The following IQCM variants were observed in gnomAD, a reference collection of about 807,000 sequenced individuals.
IQCM encodes IQ domain-containing protein M.
IQCM carries 45 observed loss-of-function variants against 57.6 expected under a neutral mutation model. The ratio of observed to expected loss-of-function variants is 0.78; its 90% confidence interval spans 0.62 to 1.00. The LOEUF (loss-of-function observed/expected upper bound fraction) is 1.00. Among genes scored for constraint, IQCM ranks in the 50% least tolerant of loss-of-function variants. The pLI, the probability that IQCM is intolerant of heterozygous loss-of-function variation, is 0.00. For synonymous variants in IQCM, 148 were observed against 158.9 expected (o/e 0.93, Z 0.51); for missense variants, 468 against 511.6 (o/e 0.91, Z 0.82).
intron 13 of IQCM, among the ~76,000 whole-genome samples, chr4:149,391,798 A>G (rs1731875574): frequency 6.6e-6 from 1 of 151,768 alleles, no homozygotes; most frequent in South Asian, 2.1e-4. Flanking sequence ...AATTTTCCTG[A>G]TGTTGATTTC....
chr4:149,644,174 A>T (rs1173602560), intron 7 of IQCM, among the ~76,000 whole-genome samples: 1 of 152,312 alleles, frequency 6.6e-6, no homozygotes, highest in Non-Finnish European at 1.5e-5. Context: ...AGGTTTTTTT[A>T]AAATCTACTA....
intron 8 of IQCM, among the ~76,000 whole-genome samples, chr4:149,593,131 G>A (rs1282170080): frequency 7.2e-5 from 11 of 151,868 alleles, no homozygotes; most frequent in East Asian, 1.9e-4. Context: ...CTTTTATTTC[G>A]TTGAGCAGTG....
chr4:149,582,754 A>G (rs1752326075), intron 9 of IQCM, among the ~76,000 whole-genome samples: 1 of 151,668 alleles, frequency 6.6e-6, no homozygotes, highest in Non-Finnish European at 1.5e-5. Flanking sequence ...AATGTTTAGG[A>G]TAGGCACTGA....
chr4:149,365,352 T>A (rs1729758069), intron 13 of IQCM, among the ~76,000 whole-genome samples: 1 of 152,112 alleles, frequency 6.6e-6, no homozygotes, highest in Non-Finnish European at 1.5e-5. Flanking sequence ...TAGATTAGAA[T>A]TCAAACTATA....
At chr4:149,795,511 A>G (rs1294364744) in intron 2 of IQCM, among the ~76,000 whole-genome samples, 2 of 152,166 alleles carry the variant, frequency 1.3e-5, no homozygotes, top group Non-Finnish European at 2.9e-5. Context: ...ACAAGGCCAC[A>G]TTTAGGCAAG....
chr4:149,467,922 T>A (rs1443552975), intron 12 of IQCM, among the ~76,000 whole-genome samples: 1 of 152,158 alleles, frequency 6.6e-6, no homozygotes, highest in African/African-American at 2.4e-5. Flanking sequence ...ATTTCATCAA[T>A]GCAGGGCACA....
chr4:149,374,989 G>GTT (rs759933292), intron 13 of IQCM, among the ~76,000 whole-genome samples: 1 of 124,420 alleles, frequency 8.0e-6, no homozygotes, highest in Admixed American at 8.9e-5. Flanking sequence ...GTGTGTGTGT[G>GTT]TGTGTGTGTT....
chr4:149,471,921 C>T (rs1362632283), intron 12 of IQCM, among the ~76,000 whole-genome samples: 1 of 152,082 alleles, frequency 6.6e-6, no homozygotes, highest in Non-Finnish European at 1.5e-5. Context: ...AAATTCAACA[C>T]CCTTCATGCT....
chr4:149,533,418 T>C (rs1322587043), intron 12 of IQCM, among the ~76,000 whole-genome samples: 3 of 152,068 alleles, frequency 2.0e-5, no homozygotes, highest in African/African-American at 7.2e-5. Context: ...AAGGGATCCA[T>C]AAGTTCTTTA....
intron 12 of IQCM, among the ~76,000 whole-genome samples, chr4:149,467,303 C>A (rs1460911200): frequency 6.6e-6 from 1 of 152,052 alleles, no homozygotes; most frequent in African/African-American, 2.4e-5. Context: ...GTGTTGGGAA[C>A]CACATTATTA....
chr4:149,428,560 C>A lies in IQCM; in HGVS notation c.1390+4836G>T, dbSNP rs555070625. Among the ~76,000 whole-genome samples, 28 of 151,598 alleles carry A rather than the reference C, an allele frequency of 1.8e-4. No homozygotes were observed. In the South Asian group the frequency reaches 5.8e-3, roughly 32 times the overall value. On this transcript the variant is annotated intron_variant, in intron 13 of 13. Coordinates refer to ENST00000636793, the MANE Select transcript of IQCM (RefSeq NM_001363507.2). Reference sequence around the variant, plus strand: ...GTAGCTAGTGAATAAGTTTCAACTGCAATAAAGGATATATAAGAAAGTCTT... The same window carrying A: ...GTAGCTAGTGAATAAGTTTCAACTGAAATAAAGGATATATAAGAAAGTCTT...
intron 8 of IQCM, among the ~76,000 whole-genome samples, chr4:149,619,347 G>T (rs539977160): frequency 3.7e-4 from 57 of 152,092 alleles, no homozygotes; most frequent in African/African-American, 1.3e-3. Context: ...TGGGAAAGGG[G>T]TGAGGGATGA....
intron 9 of IQCM, among the ~76,000 whole-genome samples, chr4:149,573,200 A>G (rs747969675): frequency 2.0e-5 from 3 of 151,308 alleles, no homozygotes; most frequent in Non-Finnish European, 4.4e-5. Flanking sequence ...TTATTAAATT[A>G]TATACATTAT....
At chr4:149,801,532 C>A (rs1396566416) in intron 2 of IQCM, among the ~76,000 whole-genome samples, 1 of 151,872 alleles carries the variant, frequency 6.6e-6, no homozygotes, top group East Asian at 1.9e-4. Flanking sequence ...ACATATGGTA[C>A]TTATACACAA....
intron 3 of IQCM, among the ~76,000 whole-genome samples, chr4:149,739,949 G>C (rs934246908): frequency 1.3e-5 from 2 of 152,134 alleles, no homozygotes; most frequent in Non-Finnish European, 1.5e-5. Flanking sequence ...GTGAGCCTCT[G>C]AAGTGAAGAT....
rs546063339 is a variant in IQCM, at chr4:149,815,572, A to C, written c.-87+28T>G. On this transcript the variant is annotated intron_variant, in intron 1 of 13. Transcript: ENST00000636793. Reference sequence around the variant, plus strand: ...AGAAACAGATAATTAATACTACTTAAGCCAATTGATAGTATTTAATTACTT... The same window carrying C: ...AGAAACAGATAATTAATACTACTTACGCCAATTGATAGTATTTAATTACTT... 1.2e-4 allele frequency: 19 copies of C among 152,150 alleles called. No individual in the cohort carries two copies. In the East Asian group the frequency reaches 3.7e-3, roughly 29 times the overall value. The allele number at this position is 152,150 out of a possible 1,614,324, so 9.4% of individuals were successfully genotyped here.
chr4:149,373,974 A>G (rs1730537596), intron 13 of IQCM, among the ~76,000 whole-genome samples: 1 of 152,202 alleles, frequency 6.6e-6, no homozygotes, highest in African/African-American at 2.4e-5. Context: ...AGGTCAAGGA[A>G]AGGTGAGTTG....
At chr4:149,671,573 G>A (rs979345389) in intron 7 of IQCM, among the ~76,000 whole-genome samples, 5 of 152,078 alleles carry the variant, frequency 3.3e-5, no homozygotes, top group Non-Finnish European at 5.9e-5. Flanking sequence ...TGATGTTAGG[G>A]TGTCAATTTT....
intron 12 of IQCM, among the ~76,000 whole-genome samples, chr4:149,483,540 G>C (rs1741138329): frequency 6.6e-6 from 1 of 151,854 alleles, no homozygotes; most frequent in Non-Finnish European, 1.5e-5. Context: ...TAGTCATTAA[G>C]AGGCATATTG....
Sources: allele counts gnomAD v4.1 joint callset (sites outside exome capture counted in the v4.1 genomes callset), GRCh38; gene constraint gnomAD v4.1.1; transcripts MANE v1.5; gene names NCBI Gene and HGNC (gene_info 2026-07-23, HGNC 2026-07-21).